TRIM41: variants seen among roughly 807,000 people sequenced by gnomAD.
TRIM41 encodes E3 ubiquitin-protein ligase TRIM41.
A neutral mutation model predicts 60.6 loss-of-function variants in TRIM41; 21 were observed. The observed-to-expected ratio is 0.35, with a 90% CI of 0.25 to 0.50. TRIM41 has a LOEUF of 0.50. TRIM41 is among the 20% of genes least tolerant of loss of function. The pLI is 0.98. For synonymous variants in TRIM41, 407 were observed against 344.9 expected (o/e 1.18, Z -2.00); for missense variants, 846 against 868.3 (o/e 0.97, Z 0.32).
rs927832573 is a variant in TRIM41, at chr5:181,224,972, AGAAT to A, written c.813+163_813+166del. 7 of 843,884 alleles carry A rather than the reference AGAAT, an allele frequency of 8.3e-6. No homozygotes were observed. In the African/African-American group the frequency reaches 1.2e-4, roughly 14 times the overall value. The allele number at this position is 843,884 out of a possible 1,614,324, so 52.3% of individuals were successfully genotyped here. On this transcript the variant is annotated intron_variant, in intron 1 of 5. Transcript: ENST00000315073. ...GCACTTACTGCCACCAAGGTGGATT[AGAAT>A]GAGAAGGATTCTGTACACAGAGCAG...
In TRIM41 at chr5:181,232,653, T is replaced by A; in HGVS notation, c.910-6T>A. 6.2e-7 allele frequency: 1 copy of A among 1,613,180 alleles called. No homozygotes were observed. The highest frequency in any genetic ancestry group is 8.5e-7 in the Non-Finnish European group (1 of 1,179,678). The stretch of plus-strand genomic sequence containing the variant: ...GGTGTCTGCCATCCCCTTTGCACCA[T>A]TCCAGAGCCAGATGAAGTCAGAGCT... On this transcript the variant is annotated splice_region_variant and splice_polypyrimidine_tract_variant and intron_variant, in intron 2 of 5. Transcript: ENST00000315073.
rs1366730106 is a variant in TRIM41, at chr5:181,233,812, C to G, written c.1291+49C>G. On this transcript the variant is annotated intron_variant, in intron 5 of 5. Coordinates refer to ENST00000315073, the MANE Select transcript of TRIM41 (RefSeq NM_033549.5). This position sits in a 1 kb window ranked among gnomAD's most constrained non-coding sequence, Gnocchi z 4.1. ...TTCCTTTGCCTTTCCCTTCACAGAC[C>G]TGAGACTGGGTCCTGAGGGAAGTTG... is the stretch of plus-strand genomic sequence containing the variant. 6.2e-7 allele frequency: 1 copy of G among 1,613,702 alleles called. No homozygotes were observed. The highest frequency in any genetic ancestry group is 1.1e-5 in the South Asian group (1 of 91,030).
chr5:181,224,371 G>A lies in TRIM41; in HGVS notation c.372G>A (p.Trp124Ter). 1 of 1,613,076 alleles carries A rather than the reference G, an allele frequency of 6.2e-7. No homozygotes were observed. The highest frequency in any genetic ancestry group is 8.5e-7 in the Non-Finnish European group (1 of 1,179,154). The change falls in exon 1 of 6, where the codon TGG (tryptophan) becomes TGA (stop). Residue 124 changes from tryptophan to a stop codon, truncating the protein, a stop_gained. Coordinates refer to ENST00000315073, the MANE Select transcript of TRIM41 (RefSeq NM_033549.5). LOFTEE classifies it high-confidence loss of function. ...GCTGGGACAACATGGACTATGTGTG[G>A]GAGGAGGAGGACGAGGAGGAAGACC... ...RSSWDNMDYVWEEEDEEEDLD... is the reference protein window; with the variant it reads ...RSSWDNMDYV
intron 2 of TRIM41, chr5:181,231,109 A>G: frequency 2.9e-6 from 1 of 348,622 alleles, no homozygotes; most frequent in Non-Finnish European, 5.6e-6. Flanking sequence ...CAGGCTTTCT[A>G]CCCGACACCA....
rs765650329 is a variant in TRIM41 at position 181,234,471 on chromosome 5, A to G, written c.1589A>G (p.His530Arg). Residue 530 changes from histidine to arginine, a missense_variant, in exon 6 of 6, where the codon CAT becomes CGT. His to Arg is a conservative substitution (Grantham distance 29). Coordinates refer to ENST00000315073, the MANE Select transcript of TRIM41 (RefSeq NM_033549.5). This position sits in a 1 kb window ranked among gnomAD's most constrained non-coding sequence, Gnocchi z 5.6. ...VGSGDASSSR[H>R]HHRRRRLHLP... Reference sequence around the variant, plus strand: ...AGCGGGGATGCCAGCTCCTCGCGCCATCACCATCGCCGCCGCCGGCTCCAC... The same window carrying G: ...AGCGGGGATGCCAGCTCCTCGCGCCGTCACCATCGCCGCCGCCGGCTCCAC... 1.9e-6 allele frequency: 3 copies of G among 1,613,292 alleles called. No individual in the cohort carries two copies. The highest frequency in any genetic ancestry group is 2.5e-6 in the Non-Finnish European group (3 of 1,179,586).
At chr5:181,232,235 G>T in intron 2 of TRIM41, 5 of 174,028 alleles carry the variant, frequency 2.9e-5, no homozygotes, top group South Asian at 1.4e-4. Flanking sequence ...GTCAGTGGGA[G>T]CTCATGGTAC....
Position 181,235,583 on chromosome 5 carries a change from C to T in TRIM41, c.*808C>T, listed in dbSNP as rs1396443098. The T allele has an allele frequency of 2.6e-6, 2 of 757,526 alleles. No homozygotes were observed. The highest frequency in any genetic ancestry group is 4.2e-6 in the Non-Finnish European group (2 of 471,908). The allele number at this position is 757,526 out of a possible 1,614,324, so 46.9% of individuals were successfully genotyped here. On this transcript the variant is annotated 3_prime_UTR_variant, in exon 6 of 6. Transcript: ENST00000315073. Reference sequence around the variant, plus strand: ...TTGTTCAGTGGAGCTGGCTTTTCTCCCAGCCCCTTTCCATGCCTTTCACTC... The same window carrying T: ...TTGTTCAGTGGAGCTGGCTTTTCTCTCAGCCCCTTTCCATGCCTTTCACTC...
Position 181,224,146 on chromosome 5 carries a change from TG to T in TRIM41, c.151del (p.Glu51ArgfsTer9), listed in dbSNP as rs1441918559. On this transcript the variant is annotated frameshift_variant, in exon 1 of 6. Coordinates refer to ENST00000315073, the MANE Select transcript of TRIM41 (RefSeq NM_033549.5). LOFTEE classifies it high-confidence loss of function. ...GAGTTTGTGTAACCCAGTTGTGGGG[TG>T]GGGAGGATGAGGAGGACAGAGATGA... The part of the protein sequence containing the change: ...CRVCVTQLWG[G>X]EDEEDRDELD... 3 of 1,611,762 alleles carry T rather than the reference TG, an allele frequency of 1.9e-6. No individual in the cohort carries two copies. The highest frequency in any genetic ancestry group is 2.5e-6 in the Non-Finnish European group (3 of 1,179,624).
chr5:181,233,263 G>A lies in TRIM41; in HGVS notation c.1141-150G>A, dbSNP rs919809346. The A allele has an allele frequency of 4.6e-5, 39 of 848,244 alleles. No individual in the cohort carries two copies. Among genetic ancestry groups the A allele is most frequent in the South Asian group, 3.6e-4 (27 of 75,314 alleles). The allele number at this position is 848,244 out of a possible 1,614,324, so 52.5% of individuals were successfully genotyped here. On this transcript the variant is annotated intron_variant, in intron 3 of 5. Coordinates refer to ENST00000315073, the MANE Select transcript of TRIM41 (RefSeq NM_033549.5). This position sits in a 1 kb window ranked among gnomAD's most constrained non-coding sequence, Gnocchi z 4.1. ...GAGGCATGGGGTGGTTGAAATGGAT[G>A]TGTGTTCATTGAGGGCCGTGAGGGT... is the stretch of plus-strand genomic sequence containing the variant.
chr5:181,230,451 C>T (rs542310985), intron 1 of TRIM41: 8 of 153,232 alleles, frequency 5.2e-5, no homozygotes, highest in Non-Finnish European at 8.8e-5. Flanking sequence ...GAGCCAAGAT[C>T]GTGCCACTGC....
In TRIM41 at chr5:181,234,027, G is replaced by C; in HGVS notation, c.1292-147G>C. On this transcript the variant is annotated intron_variant, in intron 5 of 5. Coordinates refer to ENST00000315073, the MANE Select transcript of TRIM41 (RefSeq NM_033549.5). The surrounding 1 kb of genome is among the most constrained non-coding windows in gnomAD (Gnocchi z 5.6). ...TCCTAGGAACAAGAGTGAGGAGCAA[G>C]ATGAGCCTGCAGGAATCTGAGGCTG... 1 of 1,412,606 alleles carries C rather than the reference G, an allele frequency of 7.1e-7. No individual in the cohort carries two copies. Among genetic ancestry groups the C allele is most frequent in the Admixed American group, 1.8e-5 (1 of 56,824 alleles). The allele number at this position is 1,412,606 out of a possible 1,614,324, so 87.5% of individuals were successfully genotyped here.
intron 1 of TRIM41, 42 bp from the exon 2 acceptor site, chr5:181,230,702 G>A (rs781610155): frequency 6.4e-7 from 1 of 1,552,516 alleles, no homozygotes; most frequent in Admixed American, 1.7e-5. Flanking sequence ...TGAAGGGCAG[G>A]TGCCTCTCCC....
At position 181,235,694 on chromosome 5, in the gene TRIM41, CCT is replaced by C; in HGVS notation, c.*922_*923del. ...TGGGTATAATCTATTTTTCTAGGAG[CCT>C]CTTGCCTTGTCACTTGCAGCTTTCG... On this transcript the variant is annotated 3_prime_UTR_variant, in exon 6 of 6. Coordinates refer to ENST00000315073, the MANE Select transcript of TRIM41 (RefSeq NM_033549.5). 2 of 370,744 alleles carry C rather than the reference CCT, an allele frequency of 5.4e-6. No individual in the cohort carries two copies. The highest frequency in any genetic ancestry group is 1.0e-5 in the Non-Finnish European group (2 of 199,696). 23.0% of individuals were successfully genotyped at this position (370,744 alleles called of 1,614,324 possible).
rs374615378 is a variant in TRIM41 at position 181,233,619 on chromosome 5, C to G, written c.1164-17C>G. Reference sequence around the variant, plus strand: ...GAATATCGTGGTCCCACCCCCTGCCCGGTCCCCTTCCTCCAGGTGTGAAGA... The same window carrying G: ...GAATATCGTGGTCCCACCCCCTGCCGGGTCCCCTTCCTCCAGGTGTGAAGA... On this transcript the variant is annotated splice_polypyrimidine_tract_variant and intron_variant, in intron 4 of 5. Coordinates refer to ENST00000315073, the MANE Select transcript of TRIM41 (RefSeq NM_033549.5). This position sits in a 1 kb window ranked among gnomAD's most constrained non-coding sequence, Gnocchi z 4.1. The G allele has an allele frequency of 2.2e-5, 36 of 1,613,540 alleles. No homozygotes were observed. The highest frequency in any genetic ancestry group is 3.1e-5 in the Non-Finnish European group (36 of 1,179,654).
intron 1 of TRIM41, chr5:181,228,558 C>CAAAAAAAAAAAA (rs1165609216): frequency 9.9e-5 from 5 of 50,392 alleles, no homozygotes; most frequent in African/African-American, 3.2e-4. Context: ...ACTCCCATCT[C>CAAAAAAAAAAAA]AAAAAAAAAA....
Position 181,230,791 on chromosome 5 carries a change from A to C in TRIM41, c.861A>C (p.Ala287=). The change falls in exon 2 of 6, where the codon GCA becomes GCC. Residue 287 remains alanine (A), a synonymous_variant. Coordinates refer to ENST00000315073, the MANE Select transcript of TRIM41 (RefSeq NM_033549.5). ...AACCACTGAGGAAGCACCTGGAGGC[A>C]GTGCAGAAGATGAAAGCCAAGGAGG... ...HVEPLRKHLE[A]VQKMKAKEER... The C allele has an allele frequency of 1.2e-6, 2 of 1,613,328 alleles. No homozygotes were observed. Among genetic ancestry groups the C allele is most frequent in the South Asian group, 1.1e-5 (1 of 91,076 alleles).
Position 181,223,818 on chromosome 5 carries a change from T to C in TRIM41, c.-182T>C. 1 of 635,768 alleles carries C rather than the reference T, an allele frequency of 1.6e-6. No homozygotes were observed. The highest frequency in any genetic ancestry group is 2.7e-6 in the Non-Finnish European group (1 of 373,840). 39.4% of individuals were successfully genotyped at this position (635,768 alleles called of 1,614,324 possible). A position where few individuals can be genotyped will look rare whatever the true frequency, so the allele number is the denominator to read the frequency against. On this transcript the variant is annotated 5_prime_UTR_variant, in exon 1 of 6. Transcript: ENST00000315073. ...TCCCCTCGTAGAGACACGGTTGTCGTTTGGGAGTAGGGAACACTGTGTTGG... is the reference window on the plus strand; with the variant it reads ...TCCCCTCGTAGAGACACGGTTGTCGCTTGGGAGTAGGGAACACTGTGTTGG...
Position 181,235,097 on chromosome 5 carries a change from A to G in TRIM41, c.*322A>G. ...GAATTTGAGTAGGGGATGAGGGGAAATTGTAATTTCATTCCTTAACTTCCT... is the reference window on the plus strand; with the variant it reads ...GAATTTGAGTAGGGGATGAGGGGAAGTTGTAATTTCATTCCTTAACTTCCT... On this transcript the variant is annotated 3_prime_UTR_variant, in exon 6 of 6. Coordinates refer to ENST00000315073, the MANE Select transcript of TRIM41 (RefSeq NM_033549.5). The G allele has an allele frequency of 2.5e-6, 4 of 1,604,552 alleles. No homozygotes were observed. The highest frequency in any genetic ancestry group is 3.4e-6 in the Non-Finnish European group (4 of 1,175,848).
rs12655848 is a variant in TRIM41, at chr5:181,228,827, G to A, written c.814-1917G>A. On this transcript the variant is annotated intron_variant, in intron 1 of 5. Coordinates refer to ENST00000315073, the MANE Select transcript of TRIM41 (RefSeq NM_033549.5). ...TGGGCACCTTTAATCTCAGCTACTCGGGAGGCTGAGGCAGGAGAATTGCTT... is the reference window on the plus strand; with the variant it reads ...TGGGCACCTTTAATCTCAGCTACTCAGGAGGCTGAGGCAGGAGAATTGCTT... The A allele has an allele frequency of 1.1e-4, 16 of 150,950 alleles. No homozygotes were observed. In the East Asian group the frequency reaches 2.5e-3, roughly 24 times the overall value. The allele number at this position is 150,950 out of a possible 1,614,324, so 9.4% of individuals were successfully genotyped here.
Sources: allele counts gnomAD v4.1 joint callset, GRCh38; gene constraint gnomAD v4.1.1; non-coding constraint Gnocchi (gnomAD v3.1); transcripts MANE v1.5; gene names NCBI Gene and HGNC (gene_info 2026-07-23, HGNC 2026-07-21).